Variants in ADAM12 observed in about 807,000 individuals in gnomAD.
ADAM12 encodes disintegrin and metalloproteinase domain-containing protein 12.
In ADAM12, 70 loss-of-function variants were observed where a neutral mutation model predicts 106.4. The ratio of observed to expected loss-of-function variants is 0.66; its 90% confidence interval spans 0.54 to 0.80. The LOEUF (loss-of-function observed/expected upper bound fraction) is 0.80. Ranked by LOEUF, ADAM12 falls within the 30% of genes least tolerant of loss-of-function variation. The pLI is 0.00. For missense variants in ADAM12, 1,010 were observed against 1,171.9 expected (o/e 0.86, Z 2.02); for synonymous variants, 420 against 433.5 (o/e 0.97, Z 0.39).
At chr10:126,114,399 A>G (rs1057285216) in intron 6 of ADAM12, among the ~76,000 whole-genome samples, 3 of 152,214 alleles carry the variant, frequency 2.0e-5, no homozygotes, top group Non-Finnish European at 4.4e-5. Flanking sequence ...GGAAAACTGG[A>G]GCCTCCACTC....
intron 2 of ADAM12, among the ~76,000 whole-genome samples, chr10:126,313,115 CT>C (rs1961185820): frequency 1.3e-5 from 2 of 152,276 alleles, no homozygotes; most frequent in South Asian, 4.2e-4. Flanking sequence ...TCACCTGAGC[CT>C]GCAGCTTGGC....
Position 126,049,410 on chromosome 10 carries a change from C to T in ADAM12, c.1760G>A (p.Ser587Asn). Residue 587 changes from serine (S) to asparagine (N), a missense_variant, in exon 16 of 23, where the codon AGC becomes AAC. Ser to Asn is a conservative substitution (Grantham distance 46). Coordinates refer to ENST00000448723, the MANE Select transcript of ADAM12 (RefSeq NM_001288973.2). The surrounding 1 kb of genome is among the most constrained non-coding windows in gnomAD (Gnocchi z 4.4). ...GGCATTGGTACCAATGACTGGCCGG[C>T]TGGCACCTCCTTGACACTGGATTTT... The part of the protein sequence containing the change: ...CGKIQCQGGA[S>N]RPVIGTNAVS... 6.2e-7 allele frequency: 1 copy of T among 1,614,218 alleles called. No individual in the cohort carries two copies. The highest frequency in any genetic ancestry group is 8.5e-7 in the Non-Finnish European group (1 of 1,180,048).
intron 1 of ADAM12, among the ~76,000 whole-genome samples, chr10:126,347,244 G>GT (rs1855177437): frequency 6.6e-6 from 1 of 152,052 alleles, no homozygotes. Flanking sequence ...CAGCATTTGC[G>GT]TGTCTGTAAA....
chr10:126,073,249 T>C (rs1396898139), intron 11 of ADAM12, among the ~76,000 whole-genome samples: 1 of 152,088 alleles, frequency 6.6e-6, no homozygotes, highest in Non-Finnish European at 1.5e-5. Context: ...CCACCATGCC[T>C]GGCTAATTTT....
chr10:126,073,485 A>G (rs1234139303), intron 11 of ADAM12, among the ~76,000 whole-genome samples: 1 of 152,078 alleles, frequency 6.6e-6, no homozygotes, highest in Non-Finnish European at 1.5e-5. Flanking sequence ...TGGTGTACAG[A>G]TTATTTCATC....
intron 2 of ADAM12, among the ~76,000 whole-genome samples, chr10:126,298,582 G>A (rs1263512066): frequency 6.6e-6 from 1 of 151,990 alleles, no homozygotes; most frequent in Non-Finnish European, 1.5e-5. Flanking sequence ...CAGCAAAGGA[G>A]GTAAGAGAAA....
chr10:126,186,334 CA>C (rs1398583632), intron 3 of ADAM12, among the ~76,000 whole-genome samples: 1 of 152,160 alleles, frequency 6.6e-6, no homozygotes, highest in Admixed American at 6.5e-5. Context: ...TGCCGGAGAA[CA>C]GCAATGTGGA....
At chr10:126,331,872 C>A (rs543154369) in intron 1 of ADAM12, among the ~76,000 whole-genome samples, 2 of 152,130 alleles carry the variant, frequency 1.3e-5, no homozygotes, top group South Asian at 2.1e-4. Context: ...ATCTGTGACA[C>A]CCGTGAACGG....
chr10:126,125,244 CTTTTCTTTTTT>C (rs1956184827), intron 5 of ADAM12, among the ~76,000 whole-genome samples: 1 of 118,704 alleles, frequency 8.4e-6, no homozygotes, highest in Non-Finnish European at 1.8e-5. Flanking sequence ...TTTTTCTTTT[CTTTTCTTTTTT>C]TTTTTTTTGA....
chr10:126,189,559 C>A (rs2133799737), intron 3 of ADAM12, among the ~76,000 whole-genome samples: 1 of 152,296 alleles, frequency 6.6e-6, no homozygotes, highest in South Asian at 2.1e-4. Flanking sequence ...ACGTGCCAGG[C>A]ATGTGCTAAA....
At chr10:126,069,867 G>A (rs2133493849) in intron 12 of ADAM12, among the ~76,000 whole-genome samples, 1 of 152,296 alleles carries the variant, frequency 6.6e-6, no homozygotes, top group Non-Finnish European at 1.5e-5. Context: ...CGATTGTGGA[G>A]ATGGTGATGT....
chr10:126,195,499 C>T (rs554805223), intron 3 of ADAM12, among the ~76,000 whole-genome samples: 1 of 152,014 alleles, frequency 6.6e-6, no homozygotes, highest in Non-Finnish European at 1.5e-5. Context: ...CGCTTGAACC[C>T]GGGAGGCAGA....
At chr10:126,239,776 C>G (rs10901568) in intron 3 of ADAM12, among the ~76,000 whole-genome samples, 38,379 of 151,956 alleles carry the variant, frequency 0.25, 5,527 homozygotes, top group African/African-American at 0.4. Flanking sequence ...CCATTCACGT[C>G]ATTCAGAACT....
chr10:126,347,541 T>C (rs1855192542), intron 1 of ADAM12, among the ~76,000 whole-genome samples: 1 of 152,226 alleles, frequency 6.6e-6, no homozygotes, highest in South Asian at 2.1e-4. Flanking sequence ...TGGCGTTCTC[T>C]GTATTTCCTG....
intron 1 of ADAM12, among the ~76,000 whole-genome samples, chr10:126,350,543 T>C (rs183370284): frequency 6.6e-5 from 10 of 152,312 alleles, no homozygotes; most frequent in Non-Finnish European, 1.5e-4. Flanking sequence ...TTCTAGGAAG[T>C]TCCTGCTCCA....
intron 19 of ADAM12, among the ~76,000 whole-genome samples, chr10:126,038,952 C>CTTTTTTTTTTTTTTTT (rs34277276): frequency 1.4e-5 from 1 of 71,542 alleles, no homozygotes; most frequent in African/African-American, 5.4e-5. Context: ...GACACCATTT[C>CTTTTTTTTTTTTTTTT]TTTTTTTTTT....
chr10:126,381,397 G>A lies in ADAM12; in HGVS notation c.88+6661C>T, dbSNP rs540129575. ...CAATGCCTGTAATTCCAACACTTTT[G>A]GGGGGCTGCGGCAGGAGGATGCTTG... On this transcript the variant is annotated intron_variant, in intron 1 of 22. Coordinates refer to ENST00000448723, the MANE Select transcript of ADAM12 (RefSeq NM_001288973.2). Among the ~76,000 whole-genome samples, 256 of 127,282 alleles carry A rather than the reference G, an allele frequency of 2.0e-3. 2 individuals carry two copies. In the Middle Eastern group the frequency reaches 0.025, roughly 12 times the overall value. 83.5% of individuals were successfully genotyped at this position (127,282 alleles called of 152,430 possible). A position where few individuals can be genotyped will look rare whatever the true frequency, so the allele number is the denominator to read the frequency against.
chr10:126,130,687 A>G (rs1956288856), intron 5 of ADAM12, among the ~76,000 whole-genome samples: 1 of 152,328 alleles, frequency 6.6e-6, no homozygotes, highest in South Asian at 2.1e-4. Context: ...CCTTTGTGGG[A>G]GGCTGAAAGA....
intron 3 of ADAM12, among the ~76,000 whole-genome samples, chr10:126,209,873 A>G (rs1381573094): frequency 6.6e-6 from 1 of 152,226 alleles, no homozygotes; most frequent in Non-Finnish European, 1.5e-5. Flanking sequence ...GTCTGGACCC[A>G]TGAAAAGCTC....
Sources: gnomAD v4.1 joint callset for allele counts (sites outside exome capture counted in the v4.1 genomes callset) on GRCh38, gnomAD v4.1.1 for gene constraint, Gnocchi (gnomAD v3.1) non-coding constraint, MANE v1.5 for transcripts, NCBI Gene and HGNC (gene_info 2026-07-23, HGNC 2026-07-21) for gene names.